The following CDH20 variants were observed in gnomAD, a reference collection of about 807,000 sequenced individuals.
CDH20 encodes cadherin 20, also known as cadherin-20.
In CDH20, 29 loss-of-function variants were observed where a neutral mutation model predicts 74.2. The ratio of observed to expected loss-of-function variants is 0.39; its 90% CI spans 0.29 to 0.53. The LOEUF is 0.53. Among genes scored for constraint, CDH20 ranks in the 20% least tolerant of loss-of-function variants. The pLI is 0.69. For synonymous variants in CDH20, 469 were observed against 405.4 expected, an observed-to-expected ratio of 1.16 and a Z score of -1.88; for missense variants, 988 against 1,048.3, an observed-to-expected ratio of 0.94 and a Z score of 0.79.
At chr18:61,521,690 C>G (rs1411214082) in intron 6 of CDH20, among the ~76,000 whole-genome samples, 1 of 151,318 alleles carries the variant, frequency 6.6e-6, no homozygotes, top group Non-Finnish European at 1.5e-5. Context: ...TACTGGCAAA[C>G]TGAATCCAGC....
intron 1 of CDH20, among the ~76,000 whole-genome samples, chr18:61,380,517 A>G (rs1384907455): frequency 6.6e-6 from 1 of 152,214 alleles, no homozygotes; most frequent in East Asian, 1.9e-4. Flanking sequence ...TGTTGTAAAA[A>G]TTATCAAGAC....
At chr18:61,449,739 A>G (rs578151639) in intron 1 of CDH20, among the ~76,000 whole-genome samples, 1 of 151,680 alleles carries the variant, frequency 6.6e-6, no homozygotes, top group South Asian at 2.1e-4. Context: ...TTAATAAGAC[A>G]GCCCAGATTT....
At chr18:61,516,407 A>G (rs1037935332) in intron 6 of CDH20, among the ~76,000 whole-genome samples, 3 of 152,238 alleles carry the variant, frequency 2.0e-5, no homozygotes, top group African/African-American at 7.2e-5. Flanking sequence ...AATATTTGTA[A>G]TACAAAAGAA....
intron 1 of CDH20, among the ~76,000 whole-genome samples, chr18:61,355,622 G>A (rs544400578): frequency 5.3e-5 from 8 of 152,218 alleles, no homozygotes; most frequent in Non-Finnish European, 1.2e-4. Context: ...AAAAGTCCTT[G>A]TAAAACTCTA....
At chr18:61,381,008 A>G (rs1296229298) in intron 1 of CDH20, among the ~76,000 whole-genome samples, 2 of 152,186 alleles carry the variant, frequency 1.3e-5, no homozygotes, top group African/African-American at 4.8e-5. Context: ...TAGCCCTTCA[A>G]ATTATTAATG....
intron 1 of CDH20, among the ~76,000 whole-genome samples, chr18:61,350,537 G>A (rs79694966): frequency 0.014 from 2,107 of 152,226 alleles, 22 homozygotes; most frequent in Middle Eastern, 0.041. Flanking sequence ...CTTGGGAAGA[G>A]GAAAGTGTGC....
At chr18:61,535,978 C>T (rs1912805287) in intron 7 of CDH20, among the ~76,000 whole-genome samples, 1 of 152,030 alleles carries the variant, frequency 6.6e-6, no homozygotes, top group African/African-American at 2.4e-5. Flanking sequence ...ATTGTATTTG[C>T]CAGAAGGTGG....
intron 1 of CDH20, among the ~76,000 whole-genome samples, chr18:61,365,454 C>T (rs1568112131): frequency 2.0e-5 from 3 of 151,474 alleles, no homozygotes; most frequent in Admixed American, 6.6e-5. Flanking sequence ...GATAATCACA[C>T]TTTTTTTTTC....
chr18:61,342,051 C>T (rs770809497), intron 1 of CDH20, among the ~76,000 whole-genome samples: 24 of 152,122 alleles, frequency 1.6e-4, no homozygotes, highest in Non-Finnish European at 3.5e-4. Flanking sequence ...GGCAGCTCAG[C>T]ACAGAGGATA....
At chr18:61,467,483 G>T (rs965849491) in intron 1 of CDH20, among the ~76,000 whole-genome samples, 4 of 152,050 alleles carry the variant, frequency 2.6e-5, no homozygotes, top group Non-Finnish European at 4.4e-5. Flanking sequence ...TACAGAGTTT[G>T]CAACTTCAAT....
At chr18:61,403,174 TG>T (rs1468879561) in intron 1 of CDH20, among the ~76,000 whole-genome samples, 2 of 152,182 alleles carry the variant, frequency 1.3e-5, no homozygotes, top group Non-Finnish European at 2.9e-5. Context: ...GAAACAATTA[TG>T]AACTCAGTCA....
chr18:61,509,625 G>A (rs533863989), intron 6 of CDH20, among the ~76,000 whole-genome samples: 24 of 152,294 alleles, frequency 1.6e-4, no homozygotes, highest in African/African-American at 5.8e-4. Context: ...TTTACTCTGA[G>A]TAAAGTGGGA....
rs1439137551 is a variant in CDH20, at chr18:61,520,326, A to AAAG, written c.1018-7639_1018-7638insGAA. On this transcript the variant is annotated intron_variant, in intron 6 of 11. Coordinates refer to ENST00000262717, the MANE Select transcript of CDH20 (RefSeq NM_031891.4). Reference sequence around the variant, plus strand: ...GCGAGACTCCGTCTCAAAAAAAAAAAAAAAAAAGACAAAGAAGGGCATTAC... The same window carrying AAAG: ...GCGAGACTCCGTCTCAAAAAAAAAAAAAGAAAAAAAGACAAAGAAGGGCATTAC... 2.7e-5 allele frequency among the ~76,000 whole-genome samples: 4 copies of AAAG among 150,066 alleles called. No homozygotes were observed. The East Asian group carries it at 7.7e-4, about 29-fold the overall frequency.
chr18:61,427,659 A>T (rs750350241), intron 1 of CDH20, among the ~76,000 whole-genome samples: 2 of 152,220 alleles, frequency 1.3e-5, no homozygotes, highest in African/African-American at 2.4e-5. Flanking sequence ...GTCAAATTAC[A>T]ATAAAATTTC....
At chr18:61,354,859 T>A (rs1408728998) in intron 1 of CDH20, among the ~76,000 whole-genome samples, 1 of 152,234 alleles carries the variant, frequency 6.6e-6, no homozygotes, top group Non-Finnish European at 1.5e-5. Flanking sequence ...TTGTAAGTAC[T>A]TCTGACATCA....
At chr18:61,423,349 T>C (rs1912954002) in intron 1 of CDH20, among the ~76,000 whole-genome samples, 1 of 152,194 alleles carries the variant, frequency 6.6e-6, no homozygotes, top group Non-Finnish European at 1.5e-5. Context: ...CTCTTCCTGC[T>C]TGAGCTCCTC....
intron 6 of CDH20, among the ~76,000 whole-genome samples, chr18:61,516,726 A>T (rs964812321): frequency 1.3e-5 from 2 of 152,202 alleles, no homozygotes; most frequent in Non-Finnish European, 2.9e-5. Context: ...CTCATTATCA[A>T]GTGTGGGCAA....
chr18:61,370,995 CTA>C (rs1269331201), intron 1 of CDH20, among the ~76,000 whole-genome samples: 1 of 152,054 alleles, frequency 6.6e-6, no homozygotes, highest in African/African-American at 2.4e-5. Flanking sequence ...GTAATAAAAT[CTA>C]TGTTACTGAA....
At chr18:61,534,242 G>A (rs984232041) in intron 7 of CDH20, among the ~76,000 whole-genome samples, 1 of 152,166 alleles carries the variant, frequency 6.6e-6, no homozygotes, top group African/African-American at 2.4e-5. Context: ...GTAAGTGTTG[G>A]CTGGGGTGTG....
Sources: allele counts gnomAD v4.1 joint callset (sites outside exome capture counted in the v4.1 genomes callset), GRCh38; gene constraint gnomAD v4.1.1; transcripts MANE v1.5; gene names NCBI Gene and HGNC (gene_info 2026-07-23, HGNC 2026-07-21).